Variants in FNDC3A observed in about 807,000 individuals in gnomAD.
FNDC3A encodes fibronectin type-III domain-containing protein 3A.
A neutral mutation model predicts 148.9 loss-of-function variants in FNDC3A; 32 were observed. The ratio of observed to expected loss-of-function variants is 0.21; its 90% confidence interval spans 0.16 to 0.29. FNDC3A has a LOEUF of 0.29. Among genes scored for constraint, FNDC3A ranks in the 10% least tolerant of loss-of-function variants. FNDC3A has a pLI of 1.00. For missense variants in FNDC3A, 1,191 were observed against 1,452.8 expected, an observed-to-expected ratio of 0.82 and a Z score of 2.93; for synonymous variants, 472 against 473.6, an observed-to-expected ratio of 1.00 and a Z score of 0.04.
intron 1 of FNDC3A, among the ~76,000 whole-genome samples, chr13:48,984,423 T>C (rs756080616): frequency 6.6e-6 from 1 of 151,940 alleles, no homozygotes; most frequent in African/African-American, 2.4e-5. Context: ...GTCGAAACAT[T>C]ATAAAATTAC....
chr13:49,089,666 A>T (rs1879056109), intron 3 of FNDC3A, among the ~76,000 whole-genome samples: 1 of 152,182 alleles, frequency 6.6e-6, no homozygotes, highest in African/African-American at 2.4e-5. Context: ...CTGCAATCAC[A>T]AAACTTAATT....
chr13:49,035,358 T>C (rs1203966213), intron 2 of FNDC3A, among the ~76,000 whole-genome samples: 1 of 152,028 alleles, frequency 6.6e-6, no homozygotes, highest in Non-Finnish European at 1.5e-5. Flanking sequence ...TGTCTATAAA[T>C]GTGTATATGT....
At chr13:48,977,472 T>C (rs1369572549) in intron 1 of FNDC3A, among the ~76,000 whole-genome samples, 1 of 152,220 alleles carries the variant, frequency 6.6e-6, no homozygotes, top group Non-Finnish European at 1.5e-5. Flanking sequence ...TGGATAAATA[T>C]TTAGTTTTTG....
chr13:49,098,778 A>C (rs1879686371), intron 3 of FNDC3A, among the ~76,000 whole-genome samples: 1 of 152,160 alleles, frequency 6.6e-6, no homozygotes, highest in Non-Finnish European at 1.5e-5. Context: ...AATTATCCAC[A>C]ATTCTGAATC....
intron 3 of FNDC3A, among the ~76,000 whole-genome samples, chr13:49,088,055 T>C (rs1035975889): frequency 6.6e-6 from 1 of 152,194 alleles, no homozygotes; most frequent in Non-Finnish European, 1.5e-5. Context: ...GCTTCATTAC[T>C]TATTTGCTTA....
chr13:49,136,521 C>T lies in FNDC3A; in HGVS notation c.680C>T (p.Ala227Val). Residue 227 changes from alanine to valine, a missense_variant, in exon 6 of 26, where the codon GCT becomes GTT. Coordinates refer to ENST00000492622, the MANE Select transcript of FNDC3A (RefSeq NM_001079673.2). ...EHNGLIKGQI[A>V]GGINTGSAKI... ...AATGGACTTATAAAAGGACAAATTG[C>T]TGGTGGTATAAACACAGGATCAGCA... is the stretch of plus-strand genomic sequence containing the variant. 1 of 1,614,014 alleles carries T rather than the reference C, an allele frequency of 6.2e-7. No homozygotes were observed. The highest frequency in any genetic ancestry group is 1.1e-5 in the South Asian group (1 of 91,080).
chr13:49,178,384 T>C (rs1442665115), intron 13 of FNDC3A, among the ~76,000 whole-genome samples, 184 bp from the exon 14 acceptor site: 3 of 152,208 alleles, frequency 2.0e-5, no homozygotes, highest in African/African-American at 7.2e-5. Context: ...AAATGTTCAA[T>C]AAGCATTTCC....
intron 8 of FNDC3A, chr13:49,146,232 G>A (rs960904383): frequency 3.8e-6 from 1 of 265,712 alleles, no homozygotes; most frequent in Non-Finnish European, 7.1e-6. Context: ...ATAAGTTGTA[G>A]TATGTAGAAC....
At chr13:49,024,057 A>G (rs74977409) in intron 2 of FNDC3A, among the ~76,000 whole-genome samples, 1 of 152,012 alleles carries the variant, frequency 6.6e-6, no homozygotes, top group Non-Finnish European at 1.5e-5. Context: ...CACAACGGAT[A>G]CCACAGAAAT....
chr13:49,068,629 A>G (rs1877432250), intron 2 of FNDC3A, among the ~76,000 whole-genome samples: 1 of 152,230 alleles, frequency 6.6e-6, no homozygotes, highest in African/African-American at 2.4e-5. Context: ...CACTATTCAC[A>G]ATAGCCAAGA....
chr13:49,172,123 G>T (rs756989101), intron 11 of FNDC3A, 27 bp downstream of exon 11: 17 of 1,439,700 alleles, frequency 1.2e-5, no homozygotes, highest in Non-Finnish European at 1.7e-5. Flanking sequence ...TTTTTAAATG[G>T]TTAACATTAT....
chr13:49,051,854 G>C (rs1360208608), intron 2 of FNDC3A, among the ~76,000 whole-genome samples: 1 of 152,052 alleles, frequency 6.6e-6, no homozygotes, highest in Non-Finnish European at 1.5e-5. Context: ...CTTCTTGGAG[G>C]CTTTGTTCAT....
At chr13:49,113,853 AAC>A (rs908441439) in intron 3 of FNDC3A, among the ~76,000 whole-genome samples, 5 of 152,180 alleles carry the variant, frequency 3.3e-5, no homozygotes, top group African/African-American at 9.7e-5. Flanking sequence ...GAAAGAACAA[AAC>A]ACACCTTCTC....
chr13:48,994,300 A>G (rs546502025), intron 1 of FNDC3A, among the ~76,000 whole-genome samples: 45 of 152,378 alleles, frequency 3.0e-4, no homozygotes, highest in African/African-American at 1.0e-3. Context: ...AGACATGGCA[A>G]ATAGTAGTGT....
At chr13:49,008,371 C>G (rs185189501) in intron 2 of FNDC3A, among the ~76,000 whole-genome samples, 1 of 152,246 alleles carries the variant, frequency 6.6e-6, no homozygotes, top group East Asian at 1.9e-4. Context: ...CTTATTGATA[C>G]GCCAAGTTAT....
intron 3 of FNDC3A, among the ~76,000 whole-genome samples, chr13:49,106,772 G>GCAAAAAAAAAAAAAAAAAAAAAAA (rs1555291718): frequency 1.3e-4 from 1 of 7,894 alleles, no homozygotes; most frequent in African/African-American, 5.1e-4. Context: ...GTGAATGAAA[G>GCAAAAAAAAAAAAAAAAAAAAAAA]CAAAAAAAAA....
At chr13:49,064,071 G>T (rs1401183977) in intron 2 of FNDC3A, among the ~76,000 whole-genome samples, 1 of 152,162 alleles carries the variant, frequency 6.6e-6, no homozygotes, top group Non-Finnish European at 1.5e-5. Flanking sequence ...GGCCAGGCGT[G>T]GTGGCTCATG....
intron 1 of FNDC3A, among the ~76,000 whole-genome samples, chr13:48,983,410 A>G (rs1951730642): frequency 6.6e-6 from 1 of 152,216 alleles, no homozygotes; most frequent in Admixed American, 6.5e-5. Flanking sequence ...TTTTTAATAT[A>G]AGAGAAGGTA....
intron 14 of FNDC3A, among the ~76,000 whole-genome samples, chr13:49,179,384 A>T (rs1188242135): frequency 6.6e-6 from 1 of 152,150 alleles, no homozygotes; most frequent in Admixed American, 6.5e-5. Context: ...TCTCATATTT[A>T]TAATAACTGT....
Sources: gnomAD v4.1 joint callset for allele counts (sites outside exome capture counted in the v4.1 genomes callset) on GRCh38, gnomAD v4.1.1 for gene constraint, MANE v1.5 for transcripts, NCBI Gene and HGNC (gene_info 2026-07-23, HGNC 2026-07-21) for gene names.